Variants in PKLR observed in about 807,000 individuals in gnomAD.
PKLR encodes pyruvate kinase L/R.
In PKLR, 38 loss-of-function variants were observed where a neutral mutation model predicts 53.6. The observed-to-expected ratio is 0.71, with a 90% CI of 0.55 to 0.93. The LOEUF (loss-of-function observed/expected upper bound fraction) is 0.93. Ranked by LOEUF, PKLR falls within the 40% of genes least tolerant of loss-of-function variation. The pLI is 0.00. For synonymous variants in PKLR, 328 were observed against 316.2 expected, an observed-to-expected ratio of 1.04 and a Z score of -0.39; for missense variants, 702 against 787.3, an observed-to-expected ratio of 0.89 and a Z score of 1.30.
intron 7 of PKLR, 130 bp downstream of exon 7, chr1:155,294,105 C>A: frequency 9.2e-7 from 1 of 1,082,350 alleles, no homozygotes; most frequent in East Asian, 2.4e-5. Context: ...TGCACTCCAG[C>A]CTGGATGACA....
chr1:155,292,806 T>C (rs1647291711), intron 9 of PKLR, among the ~76,000 whole-genome samples: 1 of 152,186 alleles, frequency 6.6e-6, no homozygotes, highest in African/African-American at 2.4e-5. Context: ...TACCTTGTCC[T>C]GTTCATGAGG....
At chr1:155,298,146 C>T (rs376216638) in intron 2 of PKLR, among the ~76,000 whole-genome samples, 2 of 152,126 alleles carry the variant, frequency 1.3e-5, no homozygotes, top group African/African-American at 4.8e-5. Context: ...AGTGATTCTC[C>T]TGCCTCAGCC....
the PKLR span, among the ~76,000 whole-genome samples, chr1:155,307,739 G>A: frequency 3.3e-5 from 5 of 152,194 alleles, no homozygotes; most frequent in Non-Finnish European, 7.3e-5. Context: ...CACTTTCAGA[G>A]GTCGAGGTGG....
the PKLR span, among the ~76,000 whole-genome samples, chr1:155,308,208 C>T: frequency 2.8e-3 from 423 of 151,472 alleles, 3 homozygotes; most frequent in African/African-American, 9.8e-3. Context: ...ATTACAGGCG[C>T]GCGCCACCAC....
At chr1:155,301,580 C>T, upstream of PKLR, 1 of 675,738 alleles carries the variant, frequency 1.5e-6, no homozygotes, top group South Asian at 1.8e-5. Context: ...CATTTCCTCT[C>T]ATCCTTTTTT....
rs1647966340 is a variant in PKLR, at chr1:155,301,024, T to C, written c.100+272A>G. On this transcript the variant is annotated intron_variant, in intron 1 of 10. Coordinates refer to ENST00000342741, the MANE Select transcript of PKLR (RefSeq NM_000298.6). ...AGTGTCACCACTGTCTCCTGTTCCA[T>C]TGGAAGCCCTGTATGCCAGGGGCCA... is the stretch of plus-strand genomic sequence containing the variant. 13 of 1,547,754 alleles carry C rather than the reference T, an allele frequency of 8.4e-6. No individual in the cohort carries two copies. In the Admixed American group the frequency reaches 9.8e-5, roughly 12 times the overall value.
rs543772817 is a variant in PKLR, at chr1:155,294,127, C to A, written c.1116+108G>T. On this transcript the variant is annotated intron_variant, in intron 7 of 10. Coordinates refer to ENST00000342741, the MANE Select transcript of PKLR (RefSeq NM_000298.6). ...CAGCCTGGATGACAGAGTGAGACTC[C>A]GTCTCAAAAAACAAAACAAAACAAA... 3.2e-6 allele frequency: 4 copies of A among 1,257,330 alleles called. No homozygotes were observed. In the East Asian group the frequency reaches 7.0e-5, roughly 22 times the overall value. The allele number at this position is 1,257,330 out of a possible 1,614,324, so 77.9% of individuals were successfully genotyped here. A position where few individuals can be genotyped will look rare whatever the true frequency, so the allele number is the denominator to read the frequency against.
Position 155,293,100 on chromosome 1 carries a change from TA to T in PKLR, c.1436+76del. 1 of 1,505,804 alleles carries T rather than the reference TA, an allele frequency of 6.6e-7. No homozygotes were observed. Among genetic ancestry groups the T allele is most frequent in the Non-Finnish European group, 9.2e-7 (1 of 1,081,360 alleles). The allele number at this position is 1,505,804 out of a possible 1,614,324, so 93.3% of individuals were successfully genotyped here. A position where few individuals can be genotyped will look rare whatever the true frequency, so the allele number is the denominator to read the frequency against. On this transcript the variant is annotated intron_variant, in intron 9 of 10. Transcript: ENST00000342741. This position sits in a 1 kb window ranked among gnomAD's most constrained non-coding sequence, Gnocchi z 4.2. ...CACTCTTCACCCCTGGTGACCAGAC[TA>T]AACCCAAGCCTGGGGCCCGTCCCAG...
At chr1:155,308,594 A>G in the PKLR span, 1 of 985,434 alleles carries the variant, frequency 1.0e-6, no homozygotes, top group Non-Finnish European at 1.2e-6. Flanking sequence ...AAACTTGAGT[A>G]AGACAGGCAG....
upstream of PKLR, among the ~76,000 whole-genome samples, chr1:155,304,660 T>C (rs975924454): frequency 6.6e-6 from 1 of 152,002 alleles, no homozygotes; most frequent in African/African-American, 2.4e-5. Context: ...GCTTGAGCAG[T>C]TGGGTAGATG....
At chr1:155,300,789 G>C in intron 1 of PKLR, 1 of 1,457,044 alleles carries the variant, frequency 6.9e-7, no homozygotes, top group South Asian at 1.2e-5. Flanking sequence ...CATCCTCTGA[G>C]TCTCCCCAGG....
chr1:155,304,752 T>G (rs1363753466), upstream of PKLR, among the ~76,000 whole-genome samples: 2 of 152,144 alleles, frequency 1.3e-5, no homozygotes, highest in Non-Finnish European at 2.9e-5. Flanking sequence ...CAGGCTAAAT[T>G]TGAGAAGCCA....
chr1:155,292,552 A>C (rs1275911263), intron 9 of PKLR, among the ~76,000 whole-genome samples: 1 of 152,136 alleles, frequency 6.6e-6, no homozygotes, highest in Admixed American at 6.6e-5. Context: ...CAGGAGAATC[A>C]CTTGAACTTG....
In PKLR at chr1:155,293,030, T is replaced by G. The variant is rs1557957242; in HGVS notation, c.1436+147A>C. The G allele has an allele frequency of 1.2e-6, 1 of 840,712 alleles. No homozygotes were observed. 52.1% of individuals were successfully genotyped at this position (840,712 alleles called of 1,614,324 possible). On this transcript the variant is annotated intron_variant, in intron 9 of 10. Coordinates refer to ENST00000342741, the MANE Select transcript of PKLR (RefSeq NM_000298.6). This position sits in a 1 kb window ranked among gnomAD's most constrained non-coding sequence, Gnocchi z 4.2. ...AAGCTCACTGGCATTCTGTCTCTCC[T>G]GGCCTCCAGCTGTCATTGCTGCCTC...
intron 9 of PKLR, among the ~76,000 whole-genome samples, chr1:155,292,444 T>G (rs1647263385): frequency 6.6e-6 from 1 of 152,184 alleles, no homozygotes; most frequent in African/African-American, 2.4e-5. Flanking sequence ...GAGACCAGCC[T>G]GGCTAACATG....
At chr1:155,292,164 C>T (rs915231594) in intron 9 of PKLR, among the ~76,000 whole-genome samples, 5 of 147,416 alleles carry the variant, frequency 3.4e-5, no homozygotes, top group Admixed American at 1.4e-4. Context: ...TTTGGGAGGC[C>T]GAGATGGGAG....
At chr1:155,303,136 G>A (rs756235721), upstream of PKLR, among the ~76,000 whole-genome samples, 11 of 152,240 alleles carry the variant, frequency 7.2e-5, no homozygotes, top group Non-Finnish European at 1.5e-4. Context: ...TGCAGTAGCT[G>A]TTCTGTAGGT....
the PKLR span, among the ~76,000 whole-genome samples, chr1:155,307,178 T>C: frequency 9.9e-5 from 15 of 152,180 alleles, no homozygotes; most frequent in Non-Finnish European, 1.9e-4. Flanking sequence ...CTCCCAAAGC[T>C]CTGGGATTAC....
chr1:155,306,146 A>G (rs192887074), upstream of PKLR, among the ~76,000 whole-genome samples: 8 of 152,340 alleles, frequency 5.3e-5, no homozygotes, highest in East Asian at 1.5e-3. The surrounding 1 kb of genome is among the most constrained non-coding windows in gnomAD (Gnocchi z 4.2). Flanking sequence ...ACAAGTGACC[A>G]CATGAAGCAT....
Sources: allele counts gnomAD v4.1 joint callset (sites outside exome capture counted in the v4.1 genomes callset), GRCh38; gene constraint gnomAD v4.1.1; non-coding constraint Gnocchi (gnomAD v3.1); transcripts MANE v1.5; gene names NCBI Gene and HGNC (gene_info 2026-07-23, HGNC 2026-07-21).